The following MALRD1 variants were observed in gnomAD, a reference collection of about 807,000 sequenced individuals.
MALRD1 encodes MAM and LDL receptor class A domain containing 1.
MALRD1 carries 247 observed loss-of-function variants against 242.1 expected under a neutral mutation model. The observed-to-expected ratio is 1.02, with a 90% CI of 0.92 to 1.13. The LOEUF (loss-of-function observed/expected upper bound fraction) is 1.13. Among genes scored for constraint, MALRD1 ranks in the 50% most tolerant of loss-of-function variants. The pLI, the probability that MALRD1 is intolerant of heterozygous loss-of-function variation, is 0.00. For synonymous variants in MALRD1, 995 were observed against 866.6 expected, an observed-to-expected ratio of 1.15 and a Z score of -2.60; for missense variants, 2,989 against 2,533.1, an observed-to-expected ratio of 1.18 and a Z score of -3.86.
At chr10:19,609,957 T>TATG (rs3069622) in intron 35 of MALRD1, among the ~76,000 whole-genome samples, 6,073 of 151,582 alleles carry the variant, frequency 0.04, 368 homozygotes, top group African/African-American at 0.13. Flanking sequence ...TGGTGGTGAT[T>TATG]ATGATGATGA....
At chr10:19,285,009 T>A (rs1216031252) in intron 21 of MALRD1, among the ~76,000 whole-genome samples, 1 of 86,324 alleles carries the variant, frequency 1.2e-5, no homozygotes, top group Admixed American at 1.4e-4. Flanking sequence ...CCAGTGATGA[T>A]GAGCATTTTT....
intron 36 of MALRD1, among the ~76,000 whole-genome samples, chr10:19,648,405 A>T (rs1194458245): frequency 6.6e-6 from 1 of 152,168 alleles, no homozygotes; most frequent in Non-Finnish European, 1.5e-5. Context: ...TGCACCAGGG[A>T]AAGTTTGGAG....
At chr10:19,375,276 A>G (rs1165080669) in intron 26 of MALRD1, among the ~76,000 whole-genome samples, 2 of 152,346 alleles carry the variant, frequency 1.3e-5, no homozygotes, top group South Asian at 2.1e-4. Flanking sequence ...ATGTTTCTCA[A>G]TACATGCCAA....
At chr10:19,241,669 C>G (rs1044663935) in intron 18 of MALRD1, among the ~76,000 whole-genome samples, 1 of 151,908 alleles carries the variant, frequency 6.6e-6, no homozygotes, top group East Asian at 1.9e-4. Context: ...AATCTTTCTT[C>G]TTTTTTGGTG....
chr10:19,608,593 A>C (rs57077179), intron 35 of MALRD1, among the ~76,000 whole-genome samples: 6,083 of 152,200 alleles, frequency 0.04, 369 homozygotes, highest in African/African-American at 0.13. Context: ...GATAATATAA[A>C]TTAATGATAG....
At chr10:19,109,353 G>A (rs1334900727) in intron 5 of MALRD1, among the ~76,000 whole-genome samples, 1 of 152,176 alleles carries the variant, frequency 6.6e-6, no homozygotes, top group Non-Finnish European at 1.5e-5. Context: ...ACCGGGTTGG[G>A]TGTGGCTTCT....
At chr10:19,287,823 A>G (rs1323821856) in intron 21 of MALRD1, among the ~76,000 whole-genome samples, 2 of 152,114 alleles carry the variant, frequency 1.3e-5, no homozygotes, top group Non-Finnish European at 2.9e-5. Context: ...ATGACTGTGT[A>G]TAGTTATATA....
chr10:19,195,613 A>G (rs1439127527), intron 14 of MALRD1, among the ~76,000 whole-genome samples: 1 of 152,208 alleles, frequency 6.6e-6, no homozygotes, highest in Non-Finnish European at 1.5e-5. Context: ...GTCTTAGAGT[A>G]TGTCCGGGGT....
intron 14 of MALRD1, among the ~76,000 whole-genome samples, chr10:19,195,618 C>T (rs541917274): frequency 5.3e-5 from 8 of 152,228 alleles, no homozygotes; most frequent in Admixed American, 3.9e-4. Context: ...AGAGTATGTC[C>T]GGGGTTAGAA....
At position 19,615,516 on chromosome 10, in the gene MALRD1, C is replaced by CAAAAAAAA. The variant is rs530920512; in HGVS notation, c.6071-329_6071-322dup. ...TGAATGACAGAGCAAGACCCTGCCT[C>CAAAAAAAA]AAAAAAAAAAAAAAAAAAAGAGGAA... On this transcript the variant is annotated intron_variant, in intron 35 of 39. Coordinates refer to ENST00000454679, the MANE Select transcript of MALRD1 (RefSeq NM_001142308.3). Among the ~76,000 whole-genome samples the CAAAAAAAA allele has an allele frequency of 1.5e-3, 57 of 37,222 alleles. 5 individuals carry two copies. Among genetic ancestry groups the CAAAAAAAA allele is most frequent in the African/African-American group, 6.8e-3 (48 of 7,068 alleles). The allele number at this position is 37,222 out of a possible 152,430, so 24.4% of individuals were successfully genotyped here.
chr10:19,163,136 C>CAA (rs1564433382), intron 12 of MALRD1, among the ~76,000 whole-genome samples: 73 of 36,896 alleles, frequency 2.0e-3, no homozygotes, highest in Non-Finnish European at 2.6e-3. Context: ...GAAACCCTGT[C>CAA]TAAAAAAAAA....
At chr10:19,238,520 A>T (rs1838571010) in intron 18 of MALRD1, among the ~76,000 whole-genome samples, 1 of 85,084 alleles carries the variant, frequency 1.2e-5, no homozygotes, top group East Asian at 3.6e-4. Context: ...AATGTATATT[A>T]TATATAATAT....
rs1554817621 is a variant in MALRD1 at position 19,238,208 on chromosome 10, T to TATA, written c.2992-19475_2992-19473dup. Among the ~76,000 whole-genome samples the TATA allele has an allele frequency of 3.4e-4, 15 of 43,638 alleles. 1 individual carries two copies. Among genetic ancestry groups the TATA allele is most frequent in the African/African-American group, 1.5e-3 (14 of 9,596 alleles). The allele number at this position is 43,638 out of a possible 152,430, so 28.6% of individuals were successfully genotyped here. On this transcript the variant is annotated intron_variant, in intron 18 of 39. Coordinates refer to ENST00000454679, the MANE Select transcript of MALRD1 (RefSeq NM_001142308.3). ...TGTAATATACATAATATATATTATA[T>TATA]ATATGTAATATACATAATATATATT...
In MALRD1 at chr10:19,231,842, G is replaced by GT. The variant is rs1029334593; in HGVS notation, c.2991+22170dup. On this transcript the variant is annotated intron_variant, in intron 18 of 39. Coordinates refer to ENST00000454679, the MANE Select transcript of MALRD1 (RefSeq NM_001142308.3). ...TCACCGAGTCCCGCTTTCTGTTTTT[G>GT]TTTTTTTTCTAGCCTATATTTCTAC... 8.6e-3 allele frequency among the ~76,000 whole-genome samples: 875 copies of GT among 101,708 alleles called. 14 individuals carry two copies. Among genetic ancestry groups the GT allele is most frequent in the African/African-American group, 0.02 (548 of 27,512 alleles). 66.7% of individuals were successfully genotyped at this position (101,708 alleles called of 152,430 possible). A position where few individuals can be genotyped will look rare whatever the true frequency, so the allele number is the denominator to read the frequency against.
At position 19,447,069 on chromosome 10, in the gene MALRD1, GACACACAC is replaced by G. The variant is rs374350237; in HGVS notation, c.4846-3212_4846-3205del. Among the ~76,000 whole-genome samples, 97 of 141,896 alleles carry G rather than the reference GACACACAC, an allele frequency of 6.8e-4. No homozygotes were observed. The South Asian group carries it at 7.0e-3, about 10-fold the overall frequency. The allele number at this position is 141,896 out of a possible 152,430, so 93.1% of individuals were successfully genotyped here. ...ACACACACACACACACACATACACAGACACACACACACACACACACACACACACACACA... is the reference window on the plus strand; with the variant it reads ...ACACACACACACACACACATACACAGACACACACACACACACACACACACA... On this transcript the variant is annotated intron_variant, in intron 28 of 39. Coordinates refer to ENST00000454679, the MANE Select transcript of MALRD1 (RefSeq NM_001142308.3).
chr10:19,290,362 GGTGA>G (rs1413829331), intron 21 of MALRD1: 2 of 152,168 alleles, frequency 1.3e-5, no homozygotes, highest in Admixed American at 6.5e-5. Context: ...CACAGAGTTC[GGTGA>G]GTGGATTCTC....
At chr10:19,424,363 T>C (rs2130924928) in intron 28 of MALRD1, among the ~76,000 whole-genome samples, 1 of 152,266 alleles carries the variant, frequency 6.6e-6, no homozygotes, top group Non-Finnish European at 1.5e-5. Context: ...TTTCGCCATG[T>C]TGGCCAGTCT....
intron 2 of MALRD1, among the ~76,000 whole-genome samples, chr10:19,071,899 A>G (rs1434736554): frequency 6.6e-6 from 1 of 152,108 alleles, no homozygotes; most frequent in Non-Finnish European, 1.5e-5. Context: ...TTCTATATTT[A>G]CTTTGAAAAC....
intron 27 of MALRD1, chr10:19,389,170 A>G (rs541989408): frequency 2.1e-6 from 1 of 487,122 alleles, no homozygotes; most frequent in South Asian, 1.6e-5. Context: ...AATCTATAAA[A>G]TAATTTTTGT....
Sources: allele counts gnomAD v4.1 joint callset (sites outside exome capture counted in the v4.1 genomes callset), GRCh38; gene constraint gnomAD v4.1.1; transcripts MANE v1.5; gene names NCBI Gene and HGNC (gene_info 2026-07-23, HGNC 2026-07-21).